The following CNTN5 variants were observed in gnomAD, a reference collection of about 807,000 sequenced individuals.
The protein encoded by CNTN5 is contactin-5.
Under a neutral mutation model 129.1 loss-of-function variants are expected in CNTN5, and 77 were observed. The observed-to-expected ratio is 0.60, with a 90% CI of 0.50 to 0.72. CNTN5 has a LOEUF of 0.72. CNTN5 is among the 30% of genes least tolerant of loss of function. The pLI is 0.00. For synonymous variants in CNTN5, 509 were observed against 465.6 expected (o/e 1.09, Z -1.20); for missense variants, 1,478 against 1,328.8 (o/e 1.11, Z -1.75).
At chr11:99,848,652 T>C (rs1291173016) in intron 6 of CNTN5, among the ~76,000 whole-genome samples, 1 of 152,216 alleles carries the variant, frequency 6.6e-6, no homozygotes, top group Non-Finnish European at 1.5e-5. Context: ...TTGTAGCTAT[T>C]CTTGAGGCAT....
intron 6 of CNTN5, among the ~76,000 whole-genome samples, chr11:99,846,841 A>C (rs1232369008): frequency 6.6e-6 from 1 of 152,172 alleles, no homozygotes; most frequent in Non-Finnish European, 1.5e-5. Context: ...TCATATTTTA[A>C]AGTAGATTTG....
At chr11:99,452,265 G>A (rs900193678) in intron 2 of CNTN5, among the ~76,000 whole-genome samples, 12 of 151,252 alleles carry the variant, frequency 7.9e-5, no homozygotes, top group East Asian at 1.9e-4. Context: ...ATAGTGTCTC[G>A]TCAGCACTAA....
At chr11:100,285,932 T>TG (rs1950774949) in intron 18 of CNTN5, among the ~76,000 whole-genome samples, 1 of 152,240 alleles carries the variant, frequency 6.6e-6, no homozygotes, top group Non-Finnish European at 1.5e-5. Flanking sequence ...GGCGAGGCGT[T>TG]GCCTCACTTG....
intron 3 of CNTN5, among the ~76,000 whole-genome samples, chr11:99,678,152 A>T (rs2134694399): frequency 6.6e-6 from 1 of 152,238 alleles, no homozygotes; most frequent in South Asian, 2.1e-4. Flanking sequence ...CACTACACAC[A>T]CACATTATAA....
chr11:99,438,519 C>T (rs954290245), intron 2 of CNTN5, among the ~76,000 whole-genome samples: 1 of 152,068 alleles, frequency 6.6e-6, no homozygotes, highest in Non-Finnish European at 1.5e-5. Context: ...TTCTTATTTT[C>T]TCCTATCTCT....
At chr11:99,689,901 T>C (rs1953969248) in intron 3 of CNTN5, among the ~76,000 whole-genome samples, 2 of 152,172 alleles carry the variant, frequency 1.3e-5, no homozygotes, top group Non-Finnish European at 2.9e-5. Context: ...TGTTTGATAG[T>C]TTATTTTGCT....
intron 13 of CNTN5, among the ~76,000 whole-genome samples, chr11:100,098,543 C>T (rs1945097747): frequency 6.6e-6 from 1 of 152,020 alleles, no homozygotes; most frequent in South Asian, 2.1e-4. Flanking sequence ...TTACAGCTGT[C>T]CTTGCAGGAA....
chr11:99,963,458 A>G (rs1415541265), intron 8 of CNTN5, among the ~76,000 whole-genome samples: 1 of 152,154 alleles, frequency 6.6e-6, no homozygotes, highest in Non-Finnish European at 1.5e-5. Flanking sequence ...GTCAAAGATC[A>G]GATGATTATA....
intron 13 of CNTN5, among the ~76,000 whole-genome samples, chr11:100,163,929 C>A (rs984500955): frequency 5.9e-5 from 9 of 151,770 alleles, no homozygotes; most frequent in Admixed American, 1.3e-4. Flanking sequence ...TATTATTATT[C>A]TTATTTTACA....
At chr11:99,637,035 A>AAAAAAAAAAAAAAAAAAAT (rs1951586856) in intron 3 of CNTN5, among the ~76,000 whole-genome samples, 1 of 139,042 alleles carries the variant, frequency 7.2e-6, no homozygotes, top group Non-Finnish European at 1.6e-5. Flanking sequence ...AAAAAAAAAA[A>AAAAAAAAAAAAAAAAAAAT]AAAAAAGTAA....
intron 1 of CNTN5, among the ~76,000 whole-genome samples, chr11:99,097,579 T>A (rs1866532960): frequency 6.6e-6 from 1 of 151,936 alleles, no homozygotes; most frequent in Non-Finnish European, 1.5e-5. Context: ...TTCTTCATAT[T>A]TTGAGTTATA....
Position 99,491,547 on chromosome 11 carries a change from C to A in CNTN5, c.-70-64598C>A, listed in dbSNP as rs2135350867. Among the ~76,000 whole-genome samples the A allele has an allele frequency of 2.0e-5, 3 of 152,186 alleles. 1 individual carries two copies. Among genetic ancestry groups the A allele is most frequent in the Middle Eastern group, 3.4e-3 (1 of 294 alleles). ...ATACTGACAGTTAAGGTAGGAGGGA[C>A]CAATCCTGTTTCTACCCATTGTTTC... On this transcript the variant is annotated intron_variant, in intron 2 of 24. Coordinates refer to ENST00000524871, the MANE Select transcript of CNTN5 (RefSeq NM_014361.4).
chr11:99,307,740 C>T (rs764645376), intron 1 of CNTN5, among the ~76,000 whole-genome samples: 11 of 151,956 alleles, frequency 7.2e-5, no homozygotes, highest in Non-Finnish European at 1.3e-4. Context: ...AAATGGGAGG[C>T]CTGTCAAGTT....
At chr11:100,252,265 GT>G (rs1457866002) in intron 16 of CNTN5, among the ~76,000 whole-genome samples, 2 of 151,980 alleles carry the variant, frequency 1.3e-5, no homozygotes, top group African/African-American at 4.8e-5. Flanking sequence ...AGCGTTGTTT[GT>G]CTATTTGCTG....
chr11:99,840,013 T>A (rs931662909), intron 4 of CNTN5, among the ~76,000 whole-genome samples: 1 of 152,066 alleles, frequency 6.6e-6, no homozygotes, highest in South Asian at 2.1e-4. Context: ...TCGTACAAGA[T>A]GACTACACCA....
intron 4 of CNTN5, among the ~76,000 whole-genome samples, chr11:99,840,677 A>C (rs1039234268): frequency 6.6e-6 from 1 of 152,106 alleles, no homozygotes; most frequent in African/African-American, 2.4e-5. Flanking sequence ...AGACGTTAAC[A>C]TTGTGTGTGA....
At chr11:100,138,557 C>A (rs775421740) in intron 13 of CNTN5, among the ~76,000 whole-genome samples, 1 of 151,850 alleles carries the variant, frequency 6.6e-6, no homozygotes, top group Non-Finnish European at 1.5e-5. Flanking sequence ...TCAGAAAAGG[C>A]CTATTCATTT....
intron 1 of CNTN5, among the ~76,000 whole-genome samples, chr11:99,126,575 G>A (rs147006935): frequency 1.1e-3 from 169 of 152,260 alleles, no homozygotes; most frequent in Middle Eastern, 3.4e-3. Context: ...AGGTAAGAGC[G>A]TAATGATAAA....
At chr11:100,188,627 C>T (rs554630756) in intron 13 of CNTN5, among the ~76,000 whole-genome samples, 1 of 152,298 alleles carries the variant, frequency 6.6e-6, no homozygotes, top group Non-Finnish European at 1.5e-5. Context: ...GGAATGTTTA[C>T]ATACTGTTGG....
Sources: gnomAD v4.1 joint callset for allele counts (sites outside exome capture counted in the v4.1 genomes callset) on GRCh38, gnomAD v4.1.1 for gene constraint, MANE v1.5 for transcripts, NCBI Gene and HGNC (gene_info 2026-07-23, HGNC 2026-07-21) for gene names.